KIF7: variants seen among roughly 807,000 people sequenced by gnomAD.
KIF7 encodes the protein kinesin-like protein KIF7.
Under a neutral mutation model 135.7 loss-of-function variants are expected in KIF7, and 104 were observed. The ratio of observed to expected loss-of-function variants is 0.77; its 90% CI spans 0.65 to 0.90. KIF7 has a LOEUF of 0.90. Among genes scored for constraint, KIF7 ranks in the 40% least tolerant of loss-of-function variants. KIF7 has a pLI of 0.00. For missense variants in KIF7, 2,005 were observed against 1,839.1 expected, an observed-to-expected ratio of 1.09 and a Z score of -1.65; for synonymous variants, 883 against 809.4, an observed-to-expected ratio of 1.09 and a Z score of -1.54.
chr15:89,652,642 C>T lies in KIF7; in HGVS notation c.289G>A (p.Gly97Ser). ...CCCATGGTGTATGTCTTCCCTGAGCCCGTCTGACCATAGGCAAAGACAGTG... is the reference window on the plus strand; with the variant it reads ...CCCATGGTGTATGTCTTCCCTGAGCTCGTCTGACCATAGGCAAAGACAGTG... ...NATVFAYGQT[G>S]SGKTYTMGEA... The change falls in exon 2 of 19, where the codon GGC becomes AGC. Residue 97 changes from glycine to serine, a missense_variant. Gly to Ser is a moderately conservative substitution (Grantham distance 56, BLOSUM62 0). Coordinates refer to ENST00000394412, the MANE Select transcript of KIF7 (RefSeq NM_198525.3). 1 of 1,544,482 alleles carries T rather than the reference C, an allele frequency of 6.5e-7. No individual in the cohort carries two copies. Among genetic ancestry groups the T allele is most frequent in the Non-Finnish European group, 8.8e-7 (1 of 1,141,104 alleles).
chr15:89,633,065 G>A, intron 13 of KIF7, 69 bp from the exon 14 acceptor site: 1 of 1,599,884 alleles, frequency 6.3e-7, no homozygotes, highest in Non-Finnish European at 8.5e-7. Flanking sequence ...CGCCACTCGA[G>A]GTTCACTGGG....
At chr15:89,645,646 G>T (rs1963998616) in intron 8 of KIF7, among the ~76,000 whole-genome samples, 195 bp from the exon 9 acceptor site, 1 of 152,138 alleles carries the variant, frequency 6.6e-6, no homozygotes, top group South Asian at 2.1e-4. Context: ...TGGGGGCATA[G>T]AGGGCCACCC....
At position 89,652,847 on chromosome 15, in the gene KIF7, C is replaced by T; in HGVS notation, c.84G>A (p.Lys28=). 1 of 1,549,350 alleles carries T rather than the reference C, an allele frequency of 6.5e-7. No individual in the cohort carries two copies. The highest frequency in any genetic ancestry group is 1.4e-5 in the African/African-American group (1 of 73,174). Residue 28 remains lysine (K), a synonymous_variant, in exon 2 of 19, where the codon AAG becomes AAA. Coordinates refer to ENST00000394412, the MANE Select transcript of KIF7 (RefSeq NM_198525.3). ...VALRVRPLLP[K]ELLHGHQSCL... ...AGCTCTGATGCCCGTGCAGCAGCTCCTTGGGCAGCAGTGGTCGAACTCGCA... is the reference window on the plus strand; with the variant it reads ...AGCTCTGATGCCCGTGCAGCAGCTCTTTGGGCAGCAGTGGTCGAACTCGCA...
At chr15:89,619,692 G>C in intron 1 of KIF7, 4 of 1,598,182 alleles carry the variant, frequency 2.5e-6, no homozygotes, top group Non-Finnish European at 3.4e-6. Flanking sequence ...TACTTACTGT[G>C]GTTCTGATTT....
At chr15:89,639,157 C>CT (rs1438248042) in intron 11 of KIF7, among the ~76,000 whole-genome samples, 1 of 152,118 alleles carries the variant, frequency 6.6e-6, no homozygotes, top group Non-Finnish European at 1.5e-5. Context: ...GGATTAAAGA[C>CT]TTAAATGTTA....
chr15:89,637,032 A>G (rs1489064201), intron 11 of KIF7, among the ~76,000 whole-genome samples: 1 of 74,884 alleles, frequency 1.3e-5, no homozygotes, highest in Non-Finnish European at 2.6e-5. Context: ...ATCTCACTCA[A>G]AACCGCTCAA....
At chr15:89,641,062 C>G (rs879675501) in intron 11 of KIF7, among the ~76,000 whole-genome samples, 7 of 152,012 alleles carry the variant, frequency 4.6e-5, no homozygotes, top group Non-Finnish European at 1.0e-4. Context: ...TGTGTTTCCC[C>G]AAAATTCCTA....
downstream of KIF7, among the ~76,000 whole-genome samples, chr15:89,626,302 C>T (rs1963525193): frequency 6.6e-6 from 1 of 152,218 alleles, no homozygotes; most frequent in African/African-American, 2.4e-5. Flanking sequence ...AAAATGTTGA[C>T]AGTCGTGGGC....
chr15:89,648,299 C>A lies in KIF7; in HGVS notation c.1399G>T (p.Ala467Ser). The A allele has an allele frequency of 6.6e-7, 1 of 1,519,132 alleles. No homozygotes were observed. The highest frequency in any genetic ancestry group is 8.8e-7 in the Non-Finnish European group (1 of 1,137,396). The allele number at this position is 1,519,132 out of a possible 1,614,324, so 94.1% of individuals were successfully genotyped here. Residue 467 changes from alanine to serine, a missense_variant, in exon 5 of 19, where the codon GCC becomes TCC. By Grantham distance (99) the Ala-to-Ser change is moderately conservative (BLOSUM62 1). Transcript: ENST00000394412. ...TGCGCCGCCTGGTCCTCGACGGAGG[C>A]GCTCTCGATGCCGCTATCGGGCCCG... ...ASGPDSGIESASVEDQAAQGA... is the reference protein window; with the variant it reads ...ASGPDSGIESSSVEDQAAQGA...
At position 89,652,873 on chromosome 15, in the gene KIF7, G is replaced by C; in HGVS notation, c.58C>G (p.Leu20Val). ...GAEEAPVRVA[L>V]RVRPLLPKEL... ...TTGGGCAGCAGTGGTCGAACTCGCA[G>C]GGCAACCCGCACTGGGGCCTCCTCA... Residue 20 changes from leucine to valine, a missense_variant, in exon 2 of 19, where the codon CTG becomes GTG. Transcript: ENST00000394412. The C allele has an allele frequency of 6.5e-7, 1 of 1,544,442 alleles. No homozygotes were observed. The highest frequency in any genetic ancestry group is 2.4e-5 in the East Asian group (1 of 40,854).
intron 11 of KIF7, among the ~76,000 whole-genome samples, chr15:89,637,484 G>A (rs1171085926): frequency 1.3e-5 from 2 of 151,888 alleles, no homozygotes; most frequent in Non-Finnish European, 2.9e-5. Flanking sequence ...ATGATAAAGG[G>A]GATATCACCA....
chr15:89,635,847 A>G (rs565772305), intron 11 of KIF7, among the ~76,000 whole-genome samples: 4 of 152,108 alleles, frequency 2.6e-5, no homozygotes, highest in African/African-American at 7.2e-5. Context: ...GATACTCCTC[A>G]AGAAGAGCAA....
upstream of KIF7, among the ~76,000 whole-genome samples, chr15:89,656,145 A>G (rs1964204290): frequency 6.6e-6 from 1 of 152,238 alleles, no homozygotes; most frequent in Admixed American, 6.5e-5. Context: ...TGTCATAGAC[A>G]GGCAACATAA....
At chr15:89,620,376 T>G (rs1238149830) in intron 1 of KIF7, among the ~76,000 whole-genome samples, 1 of 151,326 alleles carries the variant, frequency 6.6e-6, no homozygotes, top group Non-Finnish European at 1.5e-5. Context: ...GCCCAGCTGA[T>G]TTTTTGTTTT....
At position 89,633,235 on chromosome 15, in the gene KIF7, T is replaced by C; in HGVS notation, c.2624A>G (p.Lys875Arg). The C allele has an allele frequency of 6.3e-7, 1 of 1,585,260 alleles. No individual in the cohort carries two copies. Among genetic ancestry groups the C allele is most frequent in the Non-Finnish European group, 8.6e-7 (1 of 1,168,132 alleles). ...ELELKHEQQQ[K>R]ILKIKTEEIA... The stretch of plus-strand genomic sequence containing the variant: ...CTCTTCCGTCTTAATCTTCAGGATC[T>C]TCTGCTGTTGCTCATGCTTCAGCTC... The change falls in exon 13 of 19, where the codon AAG becomes AGG. Residue 875 changes from lysine (K) to arginine (R), a missense_variant. Lys to Arg is a conservative substitution (Grantham distance 26). Transcript: ENST00000394412.
chr15:89,648,184 A>C (rs1472281950), intron 5 of KIF7, 71 bp downstream of exon 5: 3 of 1,387,628 alleles, frequency 2.2e-6, no homozygotes, highest in Non-Finnish European at 1.9e-6. Flanking sequence ...CTGCTGTCTG[A>C]AGACCCTCTT....
At chr15:89,637,392 C>G (rs1216955712) in intron 11 of KIF7, among the ~76,000 whole-genome samples, 7 of 151,382 alleles carry the variant, frequency 4.6e-5, no homozygotes, top group Non-Finnish European at 8.8e-5. Flanking sequence ...AATCCAGGAG[C>G]TGGTTTTTTG....
intron 12 of KIF7, 131 bp from the exon 13 acceptor site, chr15:89,633,397 A>C: frequency 8.2e-7 from 1 of 1,224,120 alleles, no homozygotes; most frequent in Non-Finnish European, 1.2e-6. Flanking sequence ...CCCCAGACCC[A>C]TCCCACACAA....
chr15:89,626,165 G>C, downstream of KIF7: 1 of 1,407,984 alleles, frequency 7.1e-7, no homozygotes, highest in Non-Finnish European at 9.7e-7. Flanking sequence ...GGAGTGCCAA[G>C]TGTGGGATAG....
Sources: allele counts gnomAD v4.1 joint callset (sites outside exome capture counted in the v4.1 genomes callset), GRCh38; gene constraint gnomAD v4.1.1; transcripts MANE v1.5; gene names NCBI Gene and HGNC (gene_info 2026-07-23, HGNC 2026-07-21).